Variants in CNTNAP5 observed in about 807,000 individuals in gnomAD.
CNTNAP5 encodes contactin-associated protein-like 5.
Under a neutral mutation model 150.2 loss-of-function variants are expected in CNTNAP5, and 72 were observed. The observed-to-expected ratio is 0.48, with a 90% CI of 0.40 to 0.58. The LOEUF is 0.58. CNTNAP5 is among the 20% of genes least tolerant of loss of function. CNTNAP5 has a pLI of 0.00. For synonymous variants in CNTNAP5, 672 were observed against 619.8 expected (o/e 1.08, Z -1.25); for missense variants, 1,636 against 1,626.2 (o/e 1.01, Z -0.10).
intron 14 of CNTNAP5, among the ~76,000 whole-genome samples, chr2:124,751,964 G>A (rs1182210993): frequency 6.6e-6 from 1 of 152,136 alleles, no homozygotes; most frequent in Non-Finnish European, 1.5e-5. Flanking sequence ...GATGATAAAT[G>A]GTTCGGTTAA....
intron 16 of CNTNAP5, among the ~76,000 whole-genome samples, chr2:124,764,616 A>G (rs765614992): frequency 2.0e-5 from 3 of 152,182 alleles, no homozygotes; most frequent in Admixed American, 6.6e-5. Flanking sequence ...TTTCTCTGCC[A>G]CTTCCCCATG....
intron 1 of CNTNAP5, among the ~76,000 whole-genome samples, chr2:124,087,443 G>A (rs565079666): frequency 1.3e-5 from 2 of 151,882 alleles, no homozygotes; most frequent in South Asian, 2.1e-4. Flanking sequence ...AATATTTTTG[G>A]CTGGGCGTAG....
chr2:124,586,139 A>T (rs534117420), intron 11 of CNTNAP5, among the ~76,000 whole-genome samples: 286 of 152,284 alleles, frequency 1.9e-3, no homozygotes, highest in African/African-American at 6.6e-3. Flanking sequence ...AAGAGGCAGG[A>T]CTTCCTCACT....
intron 1 of CNTNAP5, among the ~76,000 whole-genome samples, chr2:124,193,214 A>C (rs1038215761): frequency 6.6e-6 from 1 of 152,190 alleles, no homozygotes. Context: ...AAATCTGCAA[A>C]GACCCTATTT....
chr2:124,498,997 C>T (rs1417052978), intron 7 of CNTNAP5, among the ~76,000 whole-genome samples: 1 of 152,096 alleles, frequency 6.6e-6, no homozygotes, highest in Non-Finnish European at 1.5e-5. Flanking sequence ...TACCTCTGGC[C>T]ACCCAGAAAA....
At chr2:124,407,483 C>A (rs1691603760) in intron 3 of CNTNAP5, among the ~76,000 whole-genome samples, 1 of 152,094 alleles carries the variant, frequency 6.6e-6, no homozygotes. Flanking sequence ...AAAGAAAAGG[C>A]ATATCAGTGT....
chr2:124,659,240 A>G (rs1263759345), intron 13 of CNTNAP5, among the ~76,000 whole-genome samples: 3 of 152,134 alleles, frequency 2.0e-5, no homozygotes, highest in Admixed American at 1.3e-4. Flanking sequence ...TCATTGTCTT[A>G]TTATTTGCTG....
At chr2:124,464,866 G>A (rs1693340432) in intron 6 of CNTNAP5, among the ~76,000 whole-genome samples, 1 of 152,112 alleles carries the variant, frequency 6.6e-6, no homozygotes, top group Non-Finnish European at 1.5e-5. Flanking sequence ...CCCAGCCAGT[G>A]TAAGTCTTAA....
intron 3 of CNTNAP5, among the ~76,000 whole-genome samples, chr2:124,380,357 T>C (rs1472284128): frequency 6.6e-6 from 1 of 152,140 alleles, no homozygotes; most frequent in African/African-American, 2.4e-5. Flanking sequence ...CCTGCAATGC[T>C]CGTAGTTTTT....
chr2:124,509,276 T>A lies in CNTNAP5; in HGVS notation c.1327+4720T>A, dbSNP rs150164854. Among the ~76,000 whole-genome samples, 241 of 152,350 alleles carry A rather than the reference T, an allele frequency of 1.6e-3. 2 individuals carry two copies. The highest frequency in any genetic ancestry group is 5.7e-3 in the African/African-American group (236 of 41,586). On this transcript the variant is annotated intron_variant, in intron 8 of 23. Transcript: ENST00000682447. ...AAATGCATCCTCAAAATAGAAGGCA[T>A]CTGAATTTAGTTATTCTAGGGATGA...
chr2:124,084,793 G>A (rs1011220916), intron 1 of CNTNAP5, among the ~76,000 whole-genome samples: 3 of 151,522 alleles, frequency 2.0e-5, no homozygotes, highest in Non-Finnish European at 2.9e-5. Context: ...CTATTTCTCT[G>A]TTTTCCAGAA....
intron 1 of CNTNAP5, among the ~76,000 whole-genome samples, chr2:124,178,035 CAG>C (rs1328416326): frequency 6.6e-6 from 1 of 151,854 alleles, no homozygotes; most frequent in Non-Finnish European, 1.5e-5. Context: ...TTAGTAGAGA[CAG>C]AGTTTTACTA....
intron 11 of CNTNAP5, among the ~76,000 whole-genome samples, chr2:124,579,336 G>A (rs952779941): frequency 1.3e-5 from 2 of 152,158 alleles, no homozygotes; most frequent in African/African-American, 4.8e-5. Context: ...TAAAAGTTAT[G>A]CTAAATAATA....
chr2:124,288,344 T>C (rs1688205818), intron 3 of CNTNAP5, among the ~76,000 whole-genome samples: 1 of 152,198 alleles, frequency 6.6e-6, no homozygotes, highest in South Asian at 2.1e-4. Flanking sequence ...AATTATACTC[T>C]CACTGTAAAT....
rs182887101 is a variant in CNTNAP5 at position 124,155,458 on chromosome 2, G to A, written c.83-66247G>A. On this transcript the variant is annotated intron_variant, in intron 1 of 23. Transcript: ENST00000682447. ...ATGAATAGCGTGTGTGTGTGTGTGC[G>A]CGCGTGTGTGGTGTGTGTAAAGTGT... is the stretch of plus-strand genomic sequence containing the variant. 7.9e-5 allele frequency among the ~76,000 whole-genome samples: 12 copies of A among 152,018 alleles called. No homozygotes were observed. In the South Asian group the frequency reaches 8.3e-4, roughly 11 times the overall value.
chr2:124,418,224 T>G (rs1170093277), intron 4 of CNTNAP5, among the ~76,000 whole-genome samples: 1 of 152,096 alleles, frequency 6.6e-6, no homozygotes, highest in Non-Finnish European at 1.5e-5. Flanking sequence ...AAACCTGAAA[T>G]TGCATCATAA....
At chr2:124,692,840 A>G (rs1309072700) in intron 13 of CNTNAP5, among the ~76,000 whole-genome samples, 1 of 152,108 alleles carries the variant, frequency 6.6e-6, no homozygotes, top group Non-Finnish European at 1.5e-5. Context: ...TTGAAAGGCC[A>G]GGAGAATGAG....
chr2:124,359,445 G>C (rs1422342890), intron 3 of CNTNAP5, among the ~76,000 whole-genome samples: 1 of 151,772 alleles, frequency 6.6e-6, no homozygotes, highest in South Asian at 2.1e-4. Flanking sequence ...GGCATTTAGT[G>C]CTATAAATTT....
intron 19 of CNTNAP5, among the ~76,000 whole-genome samples, chr2:124,818,270 G>T (rs543571312): frequency 6.6e-6 from 1 of 152,298 alleles, no homozygotes; most frequent in East Asian, 1.9e-4. Context: ...ATCCCTGGAA[G>T]TATTAGGTAA....
Sources: gnomAD v4.1 joint callset for allele counts (sites outside exome capture counted in the v4.1 genomes callset) on GRCh38, gnomAD v4.1.1 for gene constraint, MANE v1.5 for transcripts, NCBI Gene and HGNC (gene_info 2026-07-23, HGNC 2026-07-21) for gene names.